Variants in PDE6A observed in about 807,000 individuals in gnomAD.
PDE6A encodes the protein phosphodiesterase 6A.
PDE6A carries 84 observed loss-of-function variants against 106.3 expected under a neutral mutation model. The ratio of observed to expected loss-of-function variants is 0.79; its 90% CI spans 0.66 to 0.95. The LOEUF (loss-of-function observed/expected upper bound fraction) is 0.95, where lower values mean the gene tolerates loss of function less well. Among genes scored for constraint, PDE6A ranks in the 40% least tolerant of loss-of-function variants. The pLI, the probability that PDE6A is intolerant of heterozygous loss-of-function variation, is 0.00. For synonymous variants in PDE6A, 394 were observed against 386.6 expected, an observed-to-expected ratio of 1.02 and a Z score of -0.23; for missense variants, 1,052 against 1,084.9, an observed-to-expected ratio of 0.97 and a Z score of 0.43.
At chr5:149,870,861 G>GAGAA (rs1298237063) in intron 17 of PDE6A, among the ~76,000 whole-genome samples, 5 of 126,876 alleles carry the variant, frequency 3.9e-5, no homozygotes, top group African/African-American at 1.8e-4. Context: ...AAGAAAGAAA[G>GAGAA]AGAAAGAGAA....
At chr5:149,879,662 G>T (rs534984543) in intron 17 of PDE6A, among the ~76,000 whole-genome samples, 1 of 143,074 alleles carries the variant, frequency 7.0e-6, no homozygotes, top group African/African-American at 2.6e-5. Flanking sequence ...ACCTATGAGT[G>T]AGAATATGTG....
intron 15 of PDE6A, 23 bp from the exon 16 acceptor site, chr5:149,884,602 G>C (rs1761076200): frequency 6.3e-7 from 1 of 1,582,986 alleles, no homozygotes. Context: ...AGAGAAGCGA[G>C]ATGGGAGAGA....
chr5:149,942,406 C>T (rs1388120409), intron 1 of PDE6A, among the ~76,000 whole-genome samples: 1 of 152,162 alleles, frequency 6.6e-6, no homozygotes, highest in Non-Finnish European at 1.5e-5. Context: ...TTCACCCCAC[C>T]TTAGGCAGCC....
In PDE6A at chr5:149,896,473, G is replaced by A. The variant is rs780997137; in HGVS notation, c.1503C>T (p.Tyr501=). Residue 501 remains tyrosine, a synonymous_variant, in exon 12 of 22, where the codon TAC becomes TAT. Transcript: ENST00000255266. ...LQAELPDADK[Y]EINKFHFSDL... is the part of the protein sequence containing the mutation. The stretch of plus-strand genomic sequence containing the variant: ...CACTGAAGTGAAATTTATTAATTTC[G>A]TATTTATCTGCATCTGGCAGCTCCG... 1.8e-5 allele frequency: 29 copies of A among 1,613,794 alleles called. No homozygotes were observed. Among genetic ancestry groups the A allele is most frequent in the South Asian group, 1.3e-4 (12 of 91,080 alleles).
intron 8 of PDE6A, 48 bp downstream of exon 8, chr5:149,903,600 G>A (rs779993432): frequency 3.5e-6 from 5 of 1,444,000 alleles, no homozygotes; most frequent in African/African-American, 1.4e-5. Context: ...GCTCTTTGGG[G>A]AGGAAAAAAA....
rs374142196 is a variant in PDE6A at position 149,880,388 on chromosome 5, G to A, written c.2135+3041C>T. Among the ~76,000 whole-genome samples, 37 of 152,194 alleles carry A rather than the reference G, an allele frequency of 2.4e-4. 1 individual carries two copies. The South Asian group carries it at 7.1e-3, about 29-fold the overall frequency. Reference sequence around the variant, plus strand: ...GAGCCATTTTGAAATGTCCAGCTATGGAAGTCAAAAAAAGAAAAACATTAG... The same window carrying A: ...GAGCCATTTTGAAATGTCCAGCTATAGAAGTCAAAAAAAGAAAAACATTAG... On this transcript the variant is annotated intron_variant, in intron 17 of 21. Coordinates refer to ENST00000255266, the MANE Select transcript of PDE6A (RefSeq NM_000440.3).
chr5:149,936,106 A>G (rs1428920682), intron 1 of PDE6A, among the ~76,000 whole-genome samples: 1 of 150,776 alleles, frequency 6.6e-6, no homozygotes, highest in Non-Finnish European at 1.5e-5. Context: ...GTGAGCTATG[A>G]TTGTACCATT....
rs1180829980 is a variant in PDE6A, at chr5:149,858,015, GAAAC to G, written c.*2876_*2879del. 2.0e-5 allele frequency: 3 copies of G among 152,158 alleles called. No homozygotes were observed. Among genetic ancestry groups the G allele is most frequent in the Non-Finnish European group, 2.9e-5 (2 of 68,020 alleles). 9.4% of individuals were successfully genotyped at this position (152,158 alleles called of 1,614,324 possible). ...GGAATGTGTTACATGCGGCCACAAA[GAAAC>G]AAACAGATAAATACAGAATGTGGGA... On this transcript the variant is annotated 3_prime_UTR_variant, in exon 22 of 22. Transcript: ENST00000255266.
chr5:149,867,581 G>A, intron 19 of PDE6A, 144 bp downstream of exon 19: 1 of 758,708 alleles, frequency 1.3e-6, no homozygotes, highest in Non-Finnish European at 2.3e-6. Flanking sequence ...CAGTGGCCTG[G>A]AGACCACATT....
At chr5:149,891,456 C>T (rs572502737) in intron 13 of PDE6A, among the ~76,000 whole-genome samples, 5 of 152,116 alleles carry the variant, frequency 3.3e-5, no homozygotes, top group African/African-American at 4.8e-5. Context: ...GGCGACAGAG[C>T]GAGATTCCAT....
At chr5:149,932,211 T>C (rs992256011) in intron 3 of PDE6A, 10 of 1,314,698 alleles carry the variant, frequency 7.6e-6, no homozygotes, top group Non-Finnish European at 7.7e-6. Context: ...TGTATCTGTA[T>C]TTGAAATGCC....
intron 19 of PDE6A, 155 bp downstream of exon 19, chr5:149,867,570 A>G (rs765549041): frequency 1.4e-5 from 10 of 720,828 alleles, no homozygotes; most frequent in Non-Finnish European, 2.5e-5. Context: ...AATGAGGTTG[A>G]CAGTGGCCTG....
At chr5:149,936,788 C>A (rs1483520374) in intron 1 of PDE6A, among the ~76,000 whole-genome samples, 1 of 152,176 alleles carries the variant, frequency 6.6e-6, no homozygotes, top group African/African-American at 2.4e-5. Flanking sequence ...GCAAGAACCA[C>A]GATTACTTTT....
intron 5 of PDE6A, among the ~76,000 whole-genome samples, chr5:149,921,307 A>AAAGG (rs1175983961): frequency 6.6e-6 from 1 of 152,068 alleles, no homozygotes; most frequent in Non-Finnish European, 1.5e-5. Context: ...AAAGAAAGAA[A>AAAGG]AAGGAAGGAA....
At chr5:149,929,146 G>A (rs887991195) in intron 4 of PDE6A, among the ~76,000 whole-genome samples, 4 of 152,156 alleles carry the variant, frequency 2.6e-5, no homozygotes, top group African/African-American at 9.7e-5. Context: ...GCACAACTGT[G>A]TACTAGTAAT....
At chr5:149,906,519 C>CAAAAAAAAAAAGAAAAAAAAA (rs1753189460) in intron 7 of PDE6A, among the ~76,000 whole-genome samples, 1 of 54,204 alleles carries the variant, frequency 1.8e-5, no homozygotes, top group Non-Finnish European at 4.0e-5. Context: ...GAGACACTGT[C>CAAAAAAAAAAAGAAAAAAAAA]AAAAAAAAAA....
intron 13 of PDE6A, 106 bp downstream of exon 13, chr5:149,895,077 A>G: frequency 1.3e-6 from 1 of 767,570 alleles, no homozygotes. Flanking sequence ...TTAAAAGACA[A>G]TAAATAAAGA....
At chr5:149,924,608 G>C (rs532243165) in intron 4 of PDE6A, among the ~76,000 whole-genome samples, 1 of 152,240 alleles carries the variant, frequency 6.6e-6, no homozygotes, top group Admixed American at 6.5e-5. Flanking sequence ...TCCTACTTCT[G>C]TTCATGATGA....
At chr5:149,886,201 G>T in intron 14 of PDE6A, 64 bp downstream of exon 14, 2 of 1,223,754 alleles carry the variant, frequency 1.6e-6, no homozygotes, top group Non-Finnish European at 2.4e-6. Flanking sequence ...GAGTCTGCCT[G>T]GGAGCCACAC....
Sources: allele counts gnomAD v4.1 joint callset (sites outside exome capture counted in the v4.1 genomes callset), GRCh38; gene constraint gnomAD v4.1.1; transcripts MANE v1.5; gene names NCBI Gene and HGNC (gene_info 2026-07-23, HGNC 2026-07-21).